Variants in NALCN observed in about 807,000 individuals in gnomAD.
NALCN encodes the protein sodium leak channel, non-selective.
In NALCN, 111 loss-of-function variants were observed where a neutral mutation model predicts 225.3. The ratio of observed to expected loss-of-function variants is 0.49; its 90% CI spans 0.42 to 0.58. The LOEUF (loss-of-function observed/expected upper bound fraction) is 0.58. NALCN is among the 20% of genes least tolerant of loss of function. NALCN has a pLI of 0.00. For missense variants in NALCN, 1,378 were observed against 2,202.4 expected (o/e 0.63, Z 7.49); for synonymous variants, 764 against 769.0 (o/e 0.99, Z 0.11).
chr13:101,065,903 A>C (rs992761783), intron 39 of NALCN, among the ~76,000 whole-genome samples: 5 of 152,122 alleles, frequency 3.3e-5, no homozygotes, highest in African/African-American at 1.2e-4. Flanking sequence ...CACAGACGCC[A>C]CCTCCAACAC....
chr13:101,200,020 A>G (rs1486007157), intron 13 of NALCN, among the ~76,000 whole-genome samples: 1 of 151,938 alleles, frequency 6.6e-6, no homozygotes, highest in Non-Finnish European at 1.5e-5. Context: ...CTTTTCTTAT[A>G]TCTCAATACT....
At chr13:101,398,211 A>G (rs2047370892) in intron 2 of NALCN, among the ~76,000 whole-genome samples, 1 of 152,194 alleles carries the variant, frequency 6.6e-6, no homozygotes, top group Admixed American at 6.5e-5. Context: ...GAAATATAGA[A>G]AGAAATGTGA....
chr13:101,280,273 CT>C (rs1377642981), intron 10 of NALCN, among the ~76,000 whole-genome samples: 1 of 152,126 alleles, frequency 6.6e-6, no homozygotes, highest in Non-Finnish European at 1.5e-5. Flanking sequence ...TACCTGACCC[CT>C]TTCCCCCCAG....
intron 20 of NALCN, 37 bp downstream of exon 20, chr13:101,110,582 C>T (rs1023638430): frequency 2.0e-5 from 32 of 1,605,026 alleles, no homozygotes; most frequent in Non-Finnish European, 2.6e-5. Context: ...TTTTCATAAT[C>T]ACGTTTCTGA....
chr13:101,399,633 C>G (rs764868302), intron 1 of NALCN, among the ~76,000 whole-genome samples: 5 of 152,058 alleles, frequency 3.3e-5, no homozygotes, highest in Non-Finnish European at 7.4e-5. Flanking sequence ...CAACAGTAGC[C>G]CCAAGTTGAT....
intron 7 of NALCN, among the ~76,000 whole-genome samples, chr13:101,333,106 A>G (rs183880438): frequency 6.6e-6 from 1 of 152,236 alleles, no homozygotes; most frequent in African/African-American, 2.4e-5. Flanking sequence ...AGTACATCTC[A>G]TTCTTCTGCT....
intron 6 of NALCN, among the ~76,000 whole-genome samples, chr13:101,376,085 A>G (rs2046681468): frequency 6.6e-6 from 1 of 152,210 alleles, no homozygotes; most frequent in African/African-American, 2.4e-5. Flanking sequence ...TAGTCTAGAA[A>G]TGATGTTATA....
chr13:101,179,648 G>A (rs917309331), intron 14 of NALCN, among the ~76,000 whole-genome samples: 9 of 152,158 alleles, frequency 5.9e-5, no homozygotes, highest in African/African-American at 2.2e-4. Context: ...GGCTGTACAG[G>A]GGGTTTGGGG....
chr13:101,192,905 A>T (rs1363720416), intron 13 of NALCN, among the ~76,000 whole-genome samples: 1 of 152,152 alleles, frequency 6.6e-6, no homozygotes, highest in East Asian at 1.9e-4. Flanking sequence ...GCCCCACTGG[A>T]GTCTAGTGAC....
intron 14 of NALCN, among the ~76,000 whole-genome samples, chr13:101,184,485 T>C (rs1412024979): frequency 6.6e-6 from 1 of 152,208 alleles, no homozygotes; most frequent in Non-Finnish European, 1.5e-5. Flanking sequence ...TGGTAGTTAT[T>C]TGCTCTGTTT....
intron 22 of NALCN, among the ~76,000 whole-genome samples, chr13:101,105,932 A>G (rs190019039): frequency 2.5e-3 from 379 of 152,300 alleles, no homozygotes; most frequent in Non-Finnish European, 4.4e-3. Context: ...CTGAAATGTT[A>G]TAATAGTGTG....
intron 6 of NALCN, among the ~76,000 whole-genome samples, chr13:101,357,045 T>C (rs1444745061): frequency 6.6e-6 from 1 of 152,134 alleles, no homozygotes; most frequent in Non-Finnish European, 1.5e-5. Context: ...CTCAAAATAA[T>C]AAGTGCTATT....
intron 37 of NALCN, among the ~76,000 whole-genome samples, chr13:101,072,924 A>AT (rs1269899961): frequency 1.3e-5 from 2 of 152,300 alleles, no homozygotes; most frequent in East Asian, 1.9e-4. Context: ...CACTGCAGAC[A>AT]TTTTTTAACA....
chr13:101,073,942 AT>A (rs1372862408), intron 36 of NALCN, among the ~76,000 whole-genome samples: 1 of 152,114 alleles, frequency 6.6e-6, no homozygotes, highest in Non-Finnish European at 1.5e-5. Flanking sequence ...CAACTAAGTG[AT>A]TCCTTCTTTC....
chr13:101,080,527 G>C (rs558507138), intron 34 of NALCN, among the ~76,000 whole-genome samples: 19 of 137,502 alleles, frequency 1.4e-4, no homozygotes, highest in African/African-American at 4.2e-4. Context: ...ATACATAATA[G>C]TTATAAGTAT....
intron 10 of NALCN, among the ~76,000 whole-genome samples, chr13:101,276,865 T>C (rs1409958867): frequency 1.3e-5 from 2 of 152,274 alleles, no homozygotes; most frequent in East Asian, 1.9e-4. Context: ...CATGTGGGAA[T>C]GTAGGAAAAC....
At chr13:101,365,754 A>G (rs1014294748) in intron 6 of NALCN, among the ~76,000 whole-genome samples, 1 of 152,146 alleles carries the variant, frequency 6.6e-6, no homozygotes. Context: ...ATAAGCCAAG[A>G]TTGTCCTGGG....
chr13:101,062,271 G>C (rs999218965), intron 40 of NALCN, among the ~76,000 whole-genome samples, 153 bp from the exon 41 acceptor site: 1 of 152,150 alleles, frequency 6.6e-6, no homozygotes, highest in Non-Finnish European at 1.5e-5. Flanking sequence ...GGCTGGTCCT[G>C]TCACCTCTCT....
At chr13:101,412,200 T>A (rs2047809098) in intron 1 of NALCN, among the ~76,000 whole-genome samples, 1 of 152,234 alleles carries the variant, frequency 6.6e-6, no homozygotes, top group Non-Finnish European at 1.5e-5. Context: ...AAAAAAAGAA[T>A]CTTATCTCAC....
Sources: allele counts gnomAD v4.1 joint callset (sites outside exome capture counted in the v4.1 genomes callset), GRCh38; gene constraint gnomAD v4.1.1; transcripts MANE v1.5; gene names NCBI Gene and HGNC (gene_info 2026-07-23, HGNC 2026-07-21).